PIP4P2: variants seen among roughly 807,000 people sequenced by gnomAD.
The protein encoded by PIP4P2 is phosphatidylinositol-4,5-bisphosphate 4-phosphatase 2.
In PIP4P2, 19 loss-of-function variants were observed where a neutral mutation model predicts 33.3. The observed-to-expected ratio is 0.57, with a 90% CI of 0.40 to 0.84. The LOEUF is 0.84. Among genes scored for constraint, PIP4P2 ranks in the 40% least tolerant of loss-of-function variants. The probability of loss-of-function intolerance (pLI) is 0.00; values close to 1 mark genes in which losing one functional copy is unlikely to be tolerated. For synonymous variants in PIP4P2, 110 were observed against 111.9 expected, an observed-to-expected ratio of 0.98 and a Z score of 0.11; for missense variants, 270 against 324.7, an observed-to-expected ratio of 0.83 and a Z score of 1.29.
chr8:91,029,626 T>C (rs1474648014), intron 1 of PIP4P2, among the ~76,000 whole-genome samples: 2 of 152,212 alleles, frequency 1.3e-5, no homozygotes, highest in African/African-American at 2.4e-5. Flanking sequence ...CAAGGGACTA[T>C]AGTAGAGCTC....
At chr8:91,030,109 C>T (rs1016491276) in intron 1 of PIP4P2, among the ~76,000 whole-genome samples, 2 of 149,654 alleles carry the variant, frequency 1.3e-5, no homozygotes, top group Admixed American at 1.4e-4. Flanking sequence ...TTAAATGTTA[C>T]AATTTTAAGA....
intron 4 of PIP4P2, among the ~76,000 whole-genome samples, chr8:91,011,262 C>T (rs1811834410): frequency 6.6e-6 from 1 of 151,906 alleles, no homozygotes. Flanking sequence ...GAACAACAAC[C>T]CTCAGTCAAT....
chr8:91,000,901 A>G (rs761649455), intron 5 of PIP4P2, among the ~76,000 whole-genome samples: 1 of 151,970 alleles, frequency 6.6e-6, no homozygotes, highest in Non-Finnish European at 1.5e-5. Context: ...TTAATCTTAC[A>G]TTCATCTTTG....
intron 4 of PIP4P2, among the ~76,000 whole-genome samples, chr8:91,009,709 A>G (rs1324532753): frequency 6.6e-6 from 1 of 151,936 alleles, no homozygotes; most frequent in Non-Finnish European, 1.5e-5. Flanking sequence ...ATGGATATTC[A>G]AACGTTTTCC....
chr8:91,031,806 G>T (rs560214984), intron 1 of PIP4P2, among the ~76,000 whole-genome samples: 1 of 152,290 alleles, frequency 6.6e-6, no homozygotes, highest in South Asian at 2.1e-4. Context: ...AGGGACATTG[G>T]AAGTAAAAGA....
At chr8:91,036,089 T>C (rs1812228522) in intron 1 of PIP4P2, among the ~76,000 whole-genome samples, 1 of 152,124 alleles carries the variant, frequency 6.6e-6, no homozygotes, top group Non-Finnish European at 1.5e-5. Context: ...CACATGTATG[T>C]TCCATCACAG....
intron 6 of PIP4P2, among the ~76,000 whole-genome samples, 158 bp from the exon 7 acceptor site, chr8:90,995,978 G>A (rs530547879): frequency 6.6e-6 from 1 of 152,266 alleles, no homozygotes; most frequent in South Asian, 2.1e-4. Flanking sequence ...GACTGCAACT[G>A]ATAGACCATA....
At chr8:91,012,899 A>T (rs1220918492) in intron 4 of PIP4P2, among the ~76,000 whole-genome samples, 1 of 152,194 alleles carries the variant, frequency 6.6e-6, no homozygotes, top group Non-Finnish European at 1.5e-5. Flanking sequence ...CTCAATTTAG[A>T]TCATTCTCTA....
At chr8:91,007,581 C>T (rs1163535778) in intron 5 of PIP4P2, among the ~76,000 whole-genome samples, 1 of 152,170 alleles carries the variant, frequency 6.6e-6, no homozygotes, top group Non-Finnish European at 1.5e-5. Context: ...TTATAATTCA[C>T]ATACATAAGA....
At chr8:91,002,803 G>T (rs1284352889) in intron 5 of PIP4P2, among the ~76,000 whole-genome samples, 1 of 152,154 alleles carries the variant, frequency 6.6e-6, no homozygotes, top group Non-Finnish European at 1.5e-5. Flanking sequence ...GAAAGGAGTA[G>T]CCAGGCCATT....
intron 5 of PIP4P2, among the ~76,000 whole-genome samples, chr8:91,004,142 C>T (rs760539088): frequency 3.9e-5 from 6 of 152,142 alleles, no homozygotes; most frequent in Non-Finnish European, 7.3e-5. Flanking sequence ...GTCCAAAAGC[C>T]TCAGAATCAG....
At chr8:91,008,852 T>C in intron 4 of PIP4P2, 57 bp from the exon 5 acceptor site, 1 of 1,418,172 alleles carries the variant, frequency 7.1e-7, no homozygotes, top group Non-Finnish European at 9.8e-7. Flanking sequence ...CTATCCAATC[T>C]GATAAGACAT....
chr8:91,022,279 C>A (rs1038974735), intron 1 of PIP4P2, among the ~76,000 whole-genome samples: 2 of 152,136 alleles, frequency 1.3e-5, no homozygotes, highest in Admixed American at 6.6e-5. Flanking sequence ...CAAAGACACA[C>A]ACACAGTGTT....
intron 1 of PIP4P2, among the ~76,000 whole-genome samples, chr8:91,028,904 T>A (rs1563568514): frequency 6.6e-6 from 1 of 152,214 alleles, no homozygotes; most frequent in Non-Finnish European, 1.5e-5. Context: ...ATATTTATTT[T>A]TTTAGGTAGG....
chr8:91,020,925 A>C (rs1185904905), intron 2 of PIP4P2, among the ~76,000 whole-genome samples: 2 of 152,202 alleles, frequency 1.3e-5, no homozygotes, highest in Non-Finnish European at 2.9e-5. Flanking sequence ...CAATATTTTC[A>C]TTTTAATGAA....
At chr8:91,004,216 G>A (rs1178185506) in intron 5 of PIP4P2, among the ~76,000 whole-genome samples, 1 of 152,132 alleles carries the variant, frequency 6.6e-6, no homozygotes, top group Non-Finnish European at 1.5e-5. Flanking sequence ...GACCACTGGT[G>A]TACGTCCCAG....
intron 5 of PIP4P2, among the ~76,000 whole-genome samples, chr8:90,999,362 T>G (rs1010428281): frequency 1.3e-5 from 2 of 152,080 alleles, no homozygotes; most frequent in Non-Finnish European, 2.9e-5. Context: ...AGATAAAACT[T>G]AAAGGTAAAT....
intron 1 of PIP4P2, among the ~76,000 whole-genome samples, chr8:91,036,011 C>T (rs2130384385): frequency 6.7e-6 from 1 of 150,158 alleles, no homozygotes; most frequent in South Asian, 2.1e-4. Flanking sequence ...GAACCTGTCT[C>T]AAGAAAAAAA....
rs1338333353 is a variant in PIP4P2, at chr8:90,994,289, T to C, written c.*1388A>G. The C allele has an allele frequency of 6.6e-6, 1 of 152,140 alleles. No individual in the cohort carries two copies. Among genetic ancestry groups the C allele is most frequent in the African/African-American group, 2.4e-5 (1 of 41,458 alleles). The allele number at this position is 152,140 out of a possible 1,614,324, so 9.4% of individuals were successfully genotyped here. On this transcript the variant is annotated 3_prime_UTR_variant, in exon 7 of 7. Coordinates refer to ENST00000285419, the MANE Select transcript of PIP4P2 (RefSeq NM_018710.3). ...AAGGTAATTTTTGAACAATAATCTT[T>C]ATTAGTGTATTTTTAAAGGTACATA...
Sources: allele counts gnomAD v4.1 joint callset (sites outside exome capture counted in the v4.1 genomes callset), GRCh38; gene constraint gnomAD v4.1.1; transcripts MANE v1.5; gene names NCBI Gene and HGNC (gene_info 2026-07-23, HGNC 2026-07-21).